The following GJA9 variants were observed in gnomAD, a reference collection of about 807,000 sequenced individuals.
GJA9 encodes gap junction alpha-9 protein.
In GJA9, 1 loss-of-function variant was observed where a neutral mutation model predicts 0.4. The observed-to-expected ratio is 2.50, with a 90% CI of 0.89 to 11.88. The LOEUF (loss-of-function observed/expected upper bound fraction) is 11.88, where lower values mean the gene tolerates loss of function less well. GJA9 is among the 30% of genes most tolerant of loss of function. The pLI, the probability that GJA9 is intolerant of heterozygous loss-of-function variation, is 0.12. For missense variants in GJA9, 550 were observed against 602.8 expected, an observed-to-expected ratio of 0.91 and a Z score of 0.92; for synonymous variants, 190 against 219.1, an observed-to-expected ratio of 0.87 and a Z score of 1.17.
intron 1 of GJA9, among the ~76,000 whole-genome samples, chr1:38,879,473 G>T (rs1184733636): frequency 6.6e-6 from 1 of 152,146 alleles, no homozygotes; most frequent in Non-Finnish European, 1.5e-5. Context: ...TTTACCTGAG[G>T]TCACACAGCT....
chr1:38,875,124 C>T lies in GJA9; in HGVS notation c.975G>A (p.Gln325=), dbSNP rs748958511. ...AAATCTCATTAGAAAGTACAGTTTCCTGTTCATCCAAAATGCATTTCTCAT... is the reference window on the plus strand; with the variant it reads ...AAATCTCATTAGAAAGTACAGTTTCTTGTTCATCCAAAATGCATTTCTCAT... ...VNDEKCILDE[Q]ETVLSNEIST... is the part of the protein sequence containing the mutation. Residue 325 remains glutamine (Q), a synonymous_variant, in exon 2 of 2, where the codon CAG becomes CAA. Coordinates refer to ENST00000357771, the MANE Select transcript of GJA9 (RefSeq NM_030772.5). 33 of 1,614,116 alleles carry T rather than the reference C, an allele frequency of 2.0e-5. No individual in the cohort carries two copies. The highest frequency in any genetic ancestry group is 2.7e-5 in the Non-Finnish European group (32 of 1,180,028).
Position 38,875,269 on chromosome 1 carries a change from C to T in GJA9, c.830G>A (p.Arg277Gln), listed in dbSNP as rs759752753. Residue 277 changes from arginine (R) to glutamine (Q), a missense_variant, in exon 2 of 2, where the codon CGA becomes CAA. By Grantham distance (43) the Arg-to-Gln change is conservative. Coordinates refer to ENST00000357771, the MANE Select transcript of GJA9 (RefSeq NM_030772.5). ...YQSTSANSLK[R>Q]LPSAPDYNLL... ...ATTATAATCAGGGGCAGAAGGGAGT[C>T]GCTTCAGTGAATTTGCAGATGTGCT... The T allele has an allele frequency of 1.9e-6, 3 of 1,614,078 alleles. No individual in the cohort carries two copies. Among genetic ancestry groups the T allele is most frequent in the Non-Finnish European group, 2.5e-6 (3 of 1,180,018 alleles).
In GJA9 at chr1:38,875,704, A is replaced by C. The variant is rs1294200211; in HGVS notation, c.395T>G (p.Leu132Trp). The change falls in exon 2 of 2, where the codon TTG (leucine) becomes TGG (tryptophan). Residue 132 changes from leucine (L) to tryptophan (W), a missense_variant. Physicochemically the swap from Leu to Trp is moderately conservative, Grantham distance 61. Transcript: ENST00000357771. ...CTCCAGCTGACAAAGCTCTTGCTCC[A>C]ATCTCCTCCGATCCCTAGGCATTTC... Reference protein sequence around the residue: ...EFEMPRDRRRLEQELCQLEKR... With the variant: ...EFEMPRDRRRWEQELCQLEKR... 1 of 1,614,244 alleles carries C rather than the reference A, an allele frequency of 6.2e-7. No individual in the cohort carries two copies. Among genetic ancestry groups the C allele is most frequent in the Admixed American group, 1.7e-5 (1 of 60,024 alleles).
rs1642534576 is a variant in GJA9, at chr1:38,874,192, C to G, written c.*359G>C. ...GGGCAAACAGAATTAACCCAGTGTC[C>G]AAGGTGGAATTGTATAGATCAAGAA... On this transcript the variant is annotated 3_prime_UTR_variant, in exon 2 of 2. Coordinates refer to ENST00000357771, the MANE Select transcript of GJA9 (RefSeq NM_030772.5). 1 of 350,348 alleles carries G rather than the reference C, an allele frequency of 2.9e-6. No homozygotes were observed. Among genetic ancestry groups the G allele is most frequent in the Admixed American group, 4.3e-5 (1 of 23,328 alleles). The allele number at this position is 350,348 out of a possible 1,614,324, so 21.7% of individuals were successfully genotyped here.
Position 38,881,582 on chromosome 1 carries a change from A to G in GJA9, c.-246T>C. 1 of 664,744 alleles carries G rather than the reference A, an allele frequency of 1.5e-6. No individual in the cohort carries two copies. Among genetic ancestry groups the G allele is most frequent in the Admixed American group, 2.3e-5 (1 of 43,978 alleles). 41.2% of individuals were successfully genotyped at this position (664,744 alleles called of 1,614,324 possible). ...GTGAGTGAGTCATCCATCAACTAAA[A>G]TCCATGTCCCTTTCTGCTTATCCTT... On this transcript the variant is annotated 5_prime_UTR_variant, in exon 1 of 2. Transcript: ENST00000357771.
intron 1 of GJA9, among the ~76,000 whole-genome samples, chr1:38,879,870 G>A (rs1008195926): frequency 6.6e-5 from 10 of 152,140 alleles, no homozygotes; most frequent in African/African-American, 2.4e-4. Context: ...TGGGACTACA[G>A]GCGCCTGCCA....
In GJA9 at chr1:38,874,347, G is replaced by C; in HGVS notation, c.*204C>G. The C allele has an allele frequency of 2.0e-6, 1 of 502,868 alleles. No homozygotes were observed. The highest frequency in any genetic ancestry group is 3.5e-6 in the Non-Finnish European group (1 of 286,650). The allele number at this position is 502,868 out of a possible 1,614,324, so 31.2% of individuals were successfully genotyped here. On this transcript the variant is annotated 3_prime_UTR_variant, in exon 2 of 2. Coordinates refer to ENST00000357771, the MANE Select transcript of GJA9 (RefSeq NM_030772.5). The stretch of plus-strand genomic sequence containing the variant: ...TATCATTTAAAAAAAAAAAAATCCT[G>C]ATTTGACAACTCTATGTCTTTGAAT...
intron 1 of GJA9, among the ~76,000 whole-genome samples, chr1:38,876,518 T>C (rs1461322033): frequency 1.3e-5 from 2 of 152,124 alleles, no homozygotes; most frequent in Non-Finnish European, 2.9e-5. Context: ...ACTCAAGTGA[T>C]CCTCTTGCCT....
intron 1 of GJA9, among the ~76,000 whole-genome samples, chr1:38,880,474 C>T (rs66569209): frequency 0.28 from 41,081 of 147,874 alleles, 6,421 homozygotes; most frequent in African/African-American, 0.41. Context: ...ACCCAACAAC[C>T]CAAAGCACTT....
Position 38,875,781 on chromosome 1 carries a change from C to G in GJA9, c.318G>C (p.Glu106Asp), listed in dbSNP as rs1642574992. ...TTAACTGAGCTTTCATCCTTTGCCT[C>G]TCTTCCTCAAGAACTCTCAGTCGGT... ...ALYRLRVLEE[E>D]RQRMKAQLRV... Residue 106 changes from glutamate (E) to aspartate (D), a missense_variant, in exon 2 of 2, where the codon GAG becomes GAC. Physicochemically the swap from Glu to Asp is conservative, Grantham distance 45. Transcript: ENST00000357771. 5 of 1,614,146 alleles carry G rather than the reference C, an allele frequency of 3.1e-6. No homozygotes were observed. The highest frequency in any genetic ancestry group is 1.3e-5 in the African/African-American group (1 of 74,944).
Position 38,875,143 on chromosome 1 carries a change from T to C in GJA9, c.956A>G (p.Lys319Arg). Reference protein sequence around the residue: ...NPDNHSVNDEKCILDEQETVL... With the variant: ...NPDNHSVNDERCILDEQETVL... ...AGTTTCCTGTTCATCCAAAATGCAT[T>C]TCTCATCATTTACACTATGATTGTC... The change falls in exon 2 of 2, where the codon AAA (lysine) becomes AGA (arginine). Residue 319 changes from lysine to arginine, a missense_variant. Coordinates refer to ENST00000357771, the MANE Select transcript of GJA9 (RefSeq NM_030772.5). The C allele has an allele frequency of 1.2e-6, 2 of 1,614,150 alleles. No individual in the cohort carries two copies. Among genetic ancestry groups the C allele is most frequent in the Non-Finnish European group, 1.7e-6 (2 of 1,179,982 alleles).
At chr1:38,880,619 TAAAAATACA>T (rs1257171897) in intron 1 of GJA9, among the ~76,000 whole-genome samples, 1 of 150,792 alleles carries the variant, frequency 6.6e-6, no homozygotes, top group Non-Finnish European at 1.5e-5. Context: ...CCATCTCTAC[TAAAAATACA>T]AAAATTAGCC....
At position 38,875,151 on chromosome 1, in the gene GJA9, A is replaced by G. The variant is rs1333616953; in HGVS notation, c.948T>C (p.Asn316=). The change falls in exon 2 of 2, where the codon AAT becomes AAC. Residue 316 remains asparagine (N), a synonymous_variant. Transcript: ENST00000357771. ...GTTCATCCAAAATGCATTTCTCATCATTTACACTATGATTGTCAGGATTTG... is the reference window on the plus strand; with the variant it reads ...GTTCATCCAAAATGCATTTCTCATCGTTTACACTATGATTGTCAGGATTTG... ...FQPNPDNHSV[N]DEKCILDEQE... The G allele has an allele frequency of 6.2e-7, 1 of 1,614,042 alleles. No homozygotes were observed. The highest frequency in any genetic ancestry group is 8.5e-7 in the Non-Finnish European group (1 of 1,180,018).
In GJA9 at chr1:38,874,136, C is replaced by T. The variant is rs1184656504; in HGVS notation, c.*415G>A. The T allele has an allele frequency of 3.7e-5, 13 of 352,820 alleles. No homozygotes were observed. The highest frequency in any genetic ancestry group is 7.4e-5 in the East Asian group (1 of 13,526). The allele number at this position is 352,820 out of a possible 1,614,324, so 21.9% of individuals were successfully genotyped here. ...ACTCAAGACACATCAGGATGCCAGT[C>T]TAGAAGGAAACTTACGTGATTGTGT... On this transcript the variant is annotated 3_prime_UTR_variant, in exon 2 of 2. Coordinates refer to ENST00000357771, the MANE Select transcript of GJA9 (RefSeq NM_030772.5).
At chr1:38,880,402 C>CAAAAAAAAAAAAAAA (rs1267872139) in intron 1 of GJA9, among the ~76,000 whole-genome samples, 5 of 79,882 alleles carry the variant, frequency 6.3e-5, no homozygotes, top group Non-Finnish European at 1.2e-4. Flanking sequence ...GACTCTGTCT[C>CAAAAAAAAAAAAAAA]AAAAAAAAAT....
intron 1 of GJA9, among the ~76,000 whole-genome samples, chr1:38,878,613 G>C (rs1010388357): frequency 6.0e-5 from 9 of 151,012 alleles, no homozygotes; most frequent in Non-Finnish European, 1.0e-4. Context: ...GGAGGCAGAG[G>C]TTGCGGTGAG....
At chr1:38,877,795 T>C (rs9438972) in intron 1 of GJA9, among the ~76,000 whole-genome samples, 81,727 of 151,944 alleles carry the variant, frequency 0.54, 24,097 homozygotes, top group Non-Finnish European at 0.67. Context: ...CCGTGCCCGG[T>C]CAAAAAGTCA....
intron 1 of GJA9, among the ~76,000 whole-genome samples, chr1:38,876,519 C>A (rs2124276972): frequency 6.6e-6 from 1 of 152,218 alleles, no homozygotes; most frequent in East Asian, 1.9e-4. Context: ...CTCAAGTGAT[C>A]CTCTTGCCTT....
intron 1 of GJA9, among the ~76,000 whole-genome samples, chr1:38,877,102 T>G (rs9438971): frequency 0.36 from 53,520 of 148,484 alleles, 10,767 homozygotes; most frequent in Non-Finnish European, 0.45. Context: ...TGCAATGGCA[T>G]GATCTCAGCT....
Sources: allele counts gnomAD v4.1 joint callset (sites outside exome capture counted in the v4.1 genomes callset), GRCh38; gene constraint gnomAD v4.1.1; transcripts MANE v1.5; gene names NCBI Gene and HGNC (gene_info 2026-07-23, HGNC 2026-07-21).